Variants in TENM2 observed in about 807,000 individuals in gnomAD.
TENM2 encodes teneurin transmembrane protein 2, also known as teneurin-2.
A neutral mutation model predicts 245.2 loss-of-function variants in TENM2; 52 were observed. The observed-to-expected ratio is 0.21, with a 90% confidence interval of 0.17 to 0.27. The LOEUF (loss-of-function observed/expected upper bound fraction) is 0.27. TENM2 is among the 10% of genes least tolerant of loss of function. TENM2 has a pLI of 1.00. For missense variants in TENM2, 3,046 were observed against 3,666.8 expected, an observed-to-expected ratio of 0.83 and a Z score of 4.37; for synonymous variants, 1,363 against 1,438.9, an observed-to-expected ratio of 0.95 and a Z score of 1.19.
At chr5:167,767,439 T>C (rs1338464612) in intron 2 of TENM2, among the ~76,000 whole-genome samples, 1 of 152,212 alleles carries the variant, frequency 6.6e-6, no homozygotes, top group Non-Finnish European at 1.5e-5. Flanking sequence ...TATGGAGTTT[T>C]GGTTTGAAAA....
intron 2 of TENM2, among the ~76,000 whole-genome samples, chr5:167,858,677 G>A (rs1425207416): frequency 2.9e-4 from 44 of 151,266 alleles, no homozygotes; most frequent in Non-Finnish European, 5.3e-4. Context: ...CGGCGCTGAC[G>A]CCCGCGGGCA....
the TENM2 span, among the ~76,000 whole-genome samples, chr5:167,102,501 C>T: frequency 4.6e-5 from 7 of 152,140 alleles, no homozygotes; most frequent in Admixed American, 4.6e-4. Flanking sequence ...ATAACAGTCA[C>T]ACAGGAAGTG....
chr5:167,367,610 G>T (rs1760138717), intron 1 of TENM2, among the ~76,000 whole-genome samples: 1 of 152,004 alleles, frequency 6.6e-6, no homozygotes, highest in Admixed American at 6.6e-5. Flanking sequence ...TTCCAAAATG[G>T]TGATCATTAA....
chr5:168,018,711 A>G lies in TENM2; in HGVS notation c.1186+25529A>G, dbSNP rs1785880900. Among the ~76,000 whole-genome samples, 3 of 152,200 alleles carry G rather than the reference A, an allele frequency of 2.0e-5. No individual in the cohort carries two copies. The South Asian group carries it at 6.2e-4, about 32-fold the overall frequency. ...TTCCCTACATCAATATTTTAATTTT[A>G]AGACACATTCTTATACTTGGGTTGA... is the stretch of plus-strand genomic sequence containing the variant. On this transcript the variant is annotated intron_variant, in intron 5 of 28. Transcript: ENST00000518659.
At chr5:168,147,810 A>G (rs1756239421) in intron 12 of TENM2, among the ~76,000 whole-genome samples, 1 of 152,224 alleles carries the variant, frequency 6.6e-6, no homozygotes, top group Admixed American at 6.5e-5. Context: ...AACATTTCCC[A>G]GAGCCACATA....
At chr5:167,662,869 T>C (rs1386014031) in intron 2 of TENM2, among the ~76,000 whole-genome samples, 1 of 152,050 alleles carries the variant, frequency 6.6e-6, no homozygotes, top group African/African-American at 2.4e-5. Context: ...AGCCCATAGA[T>C]CAACAAGATT....
the TENM2 span, among the ~76,000 whole-genome samples, chr5:167,179,423 T>C: frequency 3.3e-5 from 5 of 152,204 alleles, no homozygotes; most frequent in African/African-American, 1.2e-4. Context: ...CTTTGAGCAT[T>C]ACATTTTCGG....
At chr5:167,352,074 T>C (rs1293597073) in intron 1 of TENM2, among the ~76,000 whole-genome samples, 1 of 152,324 alleles carries the variant, frequency 6.6e-6, no homozygotes, top group African/African-American at 2.4e-5. Flanking sequence ...TCAAATTTTA[T>C]TTTTTGCTAT....
chr5:167,576,954 T>C (rs1774735672), intron 2 of TENM2, among the ~76,000 whole-genome samples: 1 of 152,166 alleles, frequency 6.6e-6, no homozygotes, highest in East Asian at 1.9e-4. Context: ...GTAATTAACA[T>C]TGGATATTAA....
chr5:168,243,085 G>A (rs144991459), intron 25 of TENM2, among the ~76,000 whole-genome samples: 17 of 152,048 alleles, frequency 1.1e-4, no homozygotes, highest in Non-Finnish European at 2.1e-4. Flanking sequence ...TCTTCCTTTC[G>A]CCTATTTACA....
intron 5 of TENM2, among the ~76,000 whole-genome samples, chr5:168,046,109 C>T (rs539939633): frequency 6.6e-6 from 1 of 152,316 alleles, no homozygotes; most frequent in South Asian, 2.1e-4. Flanking sequence ...TTGCCACCTT[C>T]ATCTGTGGCC....
chr5:167,279,862 G>C (rs1047503435), upstream of TENM2, among the ~76,000 whole-genome samples: 3 of 152,096 alleles, frequency 2.0e-5, no homozygotes, highest in African/African-American at 4.8e-5. Context: ...GCTTATATCA[G>C]ATAATGCTGA....
chr5:167,113,948 TC>T, the TENM2 span, among the ~76,000 whole-genome samples: 2 of 152,044 alleles, frequency 1.3e-5, no homozygotes, highest in Non-Finnish European at 2.9e-5. Flanking sequence ...GTTGTAAAAA[TC>T]AGTATATGCA....
chr5:168,088,501 C>G (rs1792651016), intron 7 of TENM2, among the ~76,000 whole-genome samples: 1 of 152,134 alleles, frequency 6.6e-6, no homozygotes, highest in South Asian at 2.1e-4. Flanking sequence ...CACCAGCGCC[C>G]CACGTGTGAA....
At chr5:168,160,876 GA>G (rs1315064411) in intron 12 of TENM2, among the ~76,000 whole-genome samples, 1 of 151,998 alleles carries the variant, frequency 6.6e-6, no homozygotes. Context: ...AAATTAAAAA[GA>G]AAAAATCGCT....
chr5:167,559,188 G>C (rs1773435996), intron 2 of TENM2, among the ~76,000 whole-genome samples: 1 of 152,122 alleles, frequency 6.6e-6, no homozygotes, highest in African/African-American at 2.4e-5. Flanking sequence ...GCAGTAGTTG[G>C]TTGGTTGCAC....
At chr5:167,179,805 C>G in the TENM2 span, among the ~76,000 whole-genome samples, 1 of 152,096 alleles carries the variant, frequency 6.6e-6, no homozygotes, top group Non-Finnish European at 1.5e-5. Flanking sequence ...AAACCAGGAC[C>G]GTTGGTCACC....
chr5:167,052,364 T>G, the TENM2 span, among the ~76,000 whole-genome samples: 1 of 152,164 alleles, frequency 6.6e-6, no homozygotes, highest in Non-Finnish European at 1.5e-5. Flanking sequence ...GAAGACAAAT[T>G]TACATTTCAT....
chr5:167,223,397 T>G, the TENM2 span, among the ~76,000 whole-genome samples: 1 of 152,086 alleles, frequency 6.6e-6, no homozygotes, highest in Non-Finnish European at 1.5e-5. Flanking sequence ...TAATTCCATG[T>G]GATCAACTTT....
Sources: gnomAD v4.1 joint callset for allele counts (sites outside exome capture counted in the v4.1 genomes callset) on GRCh38, gnomAD v4.1.1 for gene constraint, MANE v1.5 for transcripts, NCBI Gene and HGNC (gene_info 2026-07-23, HGNC 2026-07-21) for gene names.